The following TAB2 variants were observed in gnomAD, a reference collection of about 807,000 sequenced individuals.
The protein encoded by TAB2 is TGF-beta activated kinase 1 (MAP3K7) binding protein 2.
A neutral mutation model predicts 65.0 loss-of-function variants in TAB2; 3 were observed. That is an observed-to-expected ratio of 0.05 (90% confidence interval 0.02 to 0.12). The LOEUF (loss-of-function observed/expected upper bound fraction) is 0.12. TAB2 is among the 10% of genes least tolerant of loss of function. TAB2 has a pLI of 1.00. For synonymous variants in TAB2, 298 were observed against 285.1 expected (o/e 1.05, Z -0.46); for missense variants, 623 against 840.3 (o/e 0.74, Z 3.20).
chr6:149,311,382 T>C (rs1779164377), intron 1 of TAB2, among the ~76,000 whole-genome samples: 2 of 152,210 alleles, frequency 1.3e-5, no homozygotes, highest in Non-Finnish European at 2.9e-5. Context: ...GATCTTCTCC[T>C]CTCGAAACTC....
At chr6:149,373,660 G>A (rs1461302772) in intron 2 of TAB2, among the ~76,000 whole-genome samples, 1 of 152,198 alleles carries the variant, frequency 6.6e-6, no homozygotes, top group African/African-American at 2.4e-5. Flanking sequence ...AAATGAAAGA[G>A]GAACTGGAAT....
At chr6:149,346,470 T>TG (rs1491216548) in intron 1 of TAB2, 2 of 123,318 alleles carry the variant, frequency 1.6e-5, no homozygotes, top group Non-Finnish European at 3.4e-5. Context: ...TTTTTTTTTT[T>TG]GAGACAGAGT....
chr6:149,405,889 A>G (rs2114970430), intron 6 of TAB2, among the ~76,000 whole-genome samples: 1 of 152,210 alleles, frequency 6.6e-6, no homozygotes, highest in Middle Eastern at 3.4e-3. Context: ...GGAGATCTTA[A>G]GTGTTCTCAC....
Position 149,378,694 on chromosome 6 carries a change from C to A in TAB2, c.779C>A (p.Pro260His), listed in dbSNP as rs775053250. 1 of 1,613,956 alleles carries A rather than the reference C, an allele frequency of 6.2e-7. No homozygotes were observed. Among genetic ancestry groups the A allele is most frequent in the Non-Finnish European group, 8.5e-7 (1 of 1,180,016 alleles). Reference sequence around the variant, plus strand: ...CAGCCTGGTCCCTGGACTACTTGTCCTGCATCTAATCCTCTGTCACATACC... The same window carrying A: ...CAGCCTGGTCCCTGGACTACTTGTCATGCATCTAATCCTCTGTCACATACC... ...PSQPGPWTTC[P>H]ASNPLSHTSS... is the part of the protein sequence containing the mutation. The change falls in exon 3 of 7, where the codon CCT (proline) becomes CAT (histidine). Residue 260 changes from proline (P) to histidine (H), a missense_variant. By Grantham distance (77) the Pro-to-His change is moderately conservative (BLOSUM62 -2). This residue lies in a region of TAB2 where 550 missense variants were observed against 665.7 expected (regional missense o/e 0.83). Transcript: ENST00000637181.
intron 2 of TAB2, 31 bp downstream of exon 2, chr6:149,370,130 A>G (rs759431267): frequency 2.6e-6 from 4 of 1,562,530 alleles, no homozygotes; most frequent in Non-Finnish European, 2.6e-6. Context: ...GAATTTGTTA[A>G]TACAAACCTG....
chr6:149,331,302 A>G (rs1458914696), intron 1 of TAB2, among the ~76,000 whole-genome samples: 1 of 152,122 alleles, frequency 6.6e-6, no homozygotes, highest in Non-Finnish European at 1.5e-5. Context: ...ACCTAGATAT[A>G]TATTTTTTAG....
chr6:149,316,565 G>A (rs1779256276), upstream of TAB2, among the ~76,000 whole-genome samples: 1 of 152,152 alleles, frequency 6.6e-6, no homozygotes, highest in Non-Finnish European at 1.5e-5. Context: ...TGGACACCAT[G>A]GAAGCGCTAG....
At chr6:149,332,488 G>T (rs1406546020) in intron 1 of TAB2, among the ~76,000 whole-genome samples, 6 of 152,116 alleles carry the variant, frequency 3.9e-5, no homozygotes, top group African/African-American at 1.2e-4. Flanking sequence ...TAATTGGGAG[G>T]TGATTTGGGG....
At chr6:149,259,215 G>T (rs117078981) in intron 1 of TAB2, among the ~76,000 whole-genome samples, 1,918 of 152,172 alleles carry the variant, frequency 0.013, 25 homozygotes, top group Non-Finnish European at 0.02. Context: ...GTTTTTCAGG[G>T]AAGTGGCAAA....
chr6:149,224,015 A>G (rs1251159501), intron 1 of TAB2, among the ~76,000 whole-genome samples: 3 of 152,196 alleles, frequency 2.0e-5, no homozygotes, highest in Non-Finnish European at 2.9e-5. Context: ...TATGTAGAGT[A>G]CCCACTGGCC....
At chr6:149,386,342 A>G (rs1459472352) in intron 3 of TAB2, among the ~76,000 whole-genome samples, 2 of 152,184 alleles carry the variant, frequency 1.3e-5, no homozygotes, top group Non-Finnish European at 2.9e-5. Flanking sequence ...AGTATACATC[A>G]GTTTTTAGTT....
chr6:149,262,683 T>C (rs1778179677), intron 1 of TAB2, among the ~76,000 whole-genome samples: 1 of 152,150 alleles, frequency 6.6e-6, no homozygotes, highest in African/African-American at 2.4e-5. Flanking sequence ...AAGCAGCAAA[T>C]CCACATCACA....
rs1268843605 is a variant in TAB2, at chr6:149,403,248, ATAT to A, written c.1939+4065_1939+4067del. Among the ~76,000 whole-genome samples the A allele has an allele frequency of 7.2e-3, 221 of 30,546 alleles. 4 individuals carry two copies. Among genetic ancestry groups the A allele is most frequent in the African/African-American group, 0.031 (204 of 6,620 alleles). The allele number at this position is 30,546 out of a possible 152,430, so 20.0% of individuals were successfully genotyped here. On this transcript the variant is annotated intron_variant, in intron 6 of 6. Coordinates refer to ENST00000637181, the MANE Select transcript of TAB2 (RefSeq NM_001292034.3). ...AAACTCTTGTCTAAAAAAAAAAAAA[ATAT>A]ATATATATATATATATATATATATA...
At chr6:149,334,545 A>G in intron 1 of TAB2, among the ~76,000 whole-genome samples, 1 of 152,166 alleles carries the variant, frequency 6.6e-6, no homozygotes, top group East Asian at 1.9e-4. Context: ...CGGCAGGTAA[A>G]GTGCACCTGT....
chr6:149,241,394 G>C (rs543636614), intron 1 of TAB2, among the ~76,000 whole-genome samples: 4 of 152,102 alleles, frequency 2.6e-5, no homozygotes, highest in African/African-American at 9.7e-5. Context: ...TTGATCCTGC[G>C]TACTGTAAAT....
At chr6:149,237,460 G>A (rs1269748614) in intron 1 of TAB2, among the ~76,000 whole-genome samples, 1 of 152,118 alleles carries the variant, frequency 6.6e-6, no homozygotes, top group African/African-American at 2.4e-5. Flanking sequence ...TTGCACACAG[G>A]TGCACCATCT....
intron 1 of TAB2, among the ~76,000 whole-genome samples, chr6:149,222,548 G>A (rs920124719): frequency 6.6e-6 from 1 of 151,666 alleles, no homozygotes; most frequent in Admixed American, 6.6e-5. Context: ...AACCTGAGAG[G>A]CGGAGGTTGC....
chr6:149,379,648 TAAC>T, intron 3 of TAB2, 130 bp downstream of exon 3: 1 of 846,300 alleles, frequency 1.2e-6, no homozygotes, highest in Non-Finnish European at 2.0e-6. Flanking sequence ...GATGTTATTG[TAAC>T]ATTTGAGAGT....
intron 3 of TAB2, among the ~76,000 whole-genome samples, chr6:149,386,916 G>A (rs967824686): frequency 6.6e-6 from 1 of 151,956 alleles, no homozygotes; most frequent in Non-Finnish European, 1.5e-5. Flanking sequence ...TATTTTCTTT[G>A]GAGAAATGCC....
Sources: allele counts gnomAD v4.1 joint callset (sites outside exome capture counted in the v4.1 genomes callset), GRCh38; gene constraint gnomAD v4.1.1; regional missense constraint gnomAD v4.1.1; transcripts MANE v1.5; gene names NCBI Gene and HGNC (gene_info 2026-07-23, HGNC 2026-07-21).